The following PDE4D variants were observed in gnomAD, a reference collection of about 807,000 sequenced individuals.
The protein encoded by PDE4D is 3',5'-cyclic-AMP phosphodiesterase 4D.
PDE4D carries 24 observed loss-of-function variants against 87.4 expected under a neutral mutation model. The ratio of observed to expected loss-of-function variants is 0.27; its 90% CI spans 0.20 to 0.39. The LOEUF (loss-of-function observed/expected upper bound fraction) is 0.39, where lower values mean the gene tolerates loss of function less well. Among genes scored for constraint, PDE4D ranks in the 10% least tolerant of loss-of-function variants. The probability of loss-of-function intolerance (pLI) is 1.00; values close to 1 mark genes in which losing one functional copy is unlikely to be tolerated. For missense variants in PDE4D, 714 were observed against 1,041.0 expected, an observed-to-expected ratio of 0.69 and a Z score of 4.32; for synonymous variants, 384 against 383.2, an observed-to-expected ratio of 1.00 and a Z score of -0.02.
At chr5:60,418,587 T>C (rs1340010052) in intron 1 of PDE4D, among the ~76,000 whole-genome samples, 2 of 152,166 alleles carry the variant, frequency 1.3e-5, no homozygotes, top group East Asian at 3.8e-4. Flanking sequence ...TAAATTTTTT[T>C]ATTTTTAATT....
intron 1 of PDE4D, among the ~76,000 whole-genome samples, chr5:59,645,712 A>G (rs1742331372): frequency 6.6e-6 from 1 of 152,198 alleles, no homozygotes; most frequent in South Asian, 2.1e-4. Flanking sequence ...TGAAGGAGAC[A>G]CAATGTTCAA....
In PDE4D at chr5:59,024,942, A is replaced by G. The variant is rs144104793; in HGVS notation, c.921+13917T>C. Among the ~76,000 whole-genome samples, 65 of 152,288 alleles carry G rather than the reference A, an allele frequency of 4.3e-4. 1 individual carries two copies. The East Asian group carries it at 0.012, about 28-fold the overall frequency. On this transcript the variant is annotated intron_variant, in intron 6 of 14. Transcript: ENST00000340635. ...TTTTTTAAAAAAGATACAAGAGGAC[A>G]AGTGTTTAGTTTTTAACAAGGGAGG... is the stretch of plus-strand genomic sequence containing the variant.
At chr5:59,738,620 G>C (rs1306455081) in intron 1 of PDE4D, among the ~76,000 whole-genome samples, 2 of 152,002 alleles carry the variant, frequency 1.3e-5, no homozygotes, top group African/African-American at 2.4e-5. Flanking sequence ...TTTACCTTTA[G>C]TGTTGTATGG....
At chr5:59,759,448 A>G (rs1179686171) in intron 1 of PDE4D, among the ~76,000 whole-genome samples, 1 of 152,216 alleles carries the variant, frequency 6.6e-6, no homozygotes, top group Non-Finnish European at 1.5e-5. Context: ...CATGGGAAGC[A>G]CACGTGAATA....
intron 1 of PDE4D, among the ~76,000 whole-genome samples, chr5:59,541,315 AAATTAAATG>A (rs1279812699): frequency 6.6e-6 from 1 of 152,254 alleles, no homozygotes; most frequent in Non-Finnish European, 1.5e-5. Flanking sequence ...CAAAGTTCAT[AAATTAAATG>A]TTATCAAAAT....
chr5:59,872,262 TAC>T (rs71606610), intron 1 of PDE4D, among the ~76,000 whole-genome samples: 5,798 of 131,398 alleles, frequency 0.044, 112 homozygotes, highest in Admixed American at 0.061. Flanking sequence ...ACAGAAGAGT[TAC>T]ACACACACAC....
chr5:59,356,836 A>G (rs758012157), intron 1 of PDE4D: 2 of 1,551,278 alleles, frequency 1.3e-6, no homozygotes, highest in Non-Finnish European at 1.7e-6. Flanking sequence ...AGGATCCCAA[A>G]CAAAAGCCAT....
intron 11 of PDE4D, among the ~76,000 whole-genome samples, chr5:58,987,592 T>C (rs1371635678): frequency 6.6e-6 from 1 of 152,184 alleles, no homozygotes; most frequent in African/African-American, 2.4e-5. Flanking sequence ...ATTCTATAGC[T>C]AGATTGCTAT....
chr5:60,354,128 CTT>C (rs1759421341), intron 1 of PDE4D, among the ~76,000 whole-genome samples: 1 of 151,992 alleles, frequency 6.6e-6, no homozygotes, highest in Non-Finnish European at 1.5e-5. Flanking sequence ...AACCTTGAAA[CTT>C]AGTTATAATT....
At chr5:59,977,501 C>A (rs762022057) in intron 3 of PDE4D, among the ~76,000 whole-genome samples, 11 of 152,086 alleles carry the variant, frequency 7.2e-5, no homozygotes, top group Non-Finnish European at 1.2e-4. Flanking sequence ...ATCTCCAATA[C>A]ATAAAAGTAC....
At chr5:59,431,523 C>T (rs888113104) in intron 1 of PDE4D, among the ~76,000 whole-genome samples, 11 of 152,114 alleles carry the variant, frequency 7.2e-5, no homozygotes, top group African/African-American at 2.7e-4. Flanking sequence ...AAAAGGGCTA[C>T]ATTTTATTCT....
intron 1 of PDE4D, among the ~76,000 whole-genome samples, chr5:59,633,783 CAT>C (rs1333044168): frequency 6.6e-6 from 1 of 152,168 alleles, no homozygotes; most frequent in Non-Finnish European, 1.5e-5. Flanking sequence ...ACTGCAAAAA[CAT>C]ATTAAATTGT....
At chr5:60,145,840 T>C (rs182050588) in intron 2 of PDE4D, among the ~76,000 whole-genome samples, 50 of 152,336 alleles carry the variant, frequency 3.3e-4, no homozygotes, top group African/African-American at 1.1e-3. Flanking sequence ...TATCTAAACA[T>C]CTTATAAATA....
intron 2 of PDE4D, among the ~76,000 whole-genome samples, chr5:60,101,553 C>A (rs745466704): frequency 1.3e-5 from 2 of 152,080 alleles, no homozygotes; most frequent in East Asian, 3.8e-4. Context: ...GGCCAATCAT[C>A]AGCATTTTCT....
At chr5:59,252,202 GT>G (rs1760093031) in intron 1 of PDE4D, among the ~76,000 whole-genome samples, 1 of 152,036 alleles carries the variant, frequency 6.6e-6, no homozygotes, top group Non-Finnish European at 1.5e-5. Context: ...CCTGTGAAAT[GT>G]TTACATATTT....
chr5:60,198,111 C>CT (rs1038266213), intron 1 of PDE4D, among the ~76,000 whole-genome samples: 25 of 149,444 alleles, frequency 1.7e-4, no homozygotes, highest in African/African-American at 6.2e-4. Context: ...AAATAACAAG[C>CT]AACAAAATCA....
At chr5:59,363,099 T>C (rs1476416212) in intron 1 of PDE4D, among the ~76,000 whole-genome samples, 1 of 152,184 alleles carries the variant, frequency 6.6e-6, no homozygotes, top group Non-Finnish European at 1.5e-5. Flanking sequence ...ACTATGATGA[T>C]ATCAACCACT....
intron 1 of PDE4D, among the ~76,000 whole-genome samples, chr5:59,825,224 A>T (rs945685690): frequency 2.6e-5 from 4 of 152,208 alleles, no homozygotes; most frequent in Non-Finnish European, 5.9e-5. Context: ...CATCCAATAA[A>T]AATAAAAAAT....
chr5:59,086,231 G>A (rs1204166811), intron 5 of PDE4D, among the ~76,000 whole-genome samples: 2 of 152,094 alleles, frequency 1.3e-5, no homozygotes, highest in Non-Finnish European at 2.9e-5. Context: ...CTACAGTCAA[G>A]CTCTGGCTTC....
Sources: gnomAD v4.1 joint callset for allele counts (sites outside exome capture counted in the v4.1 genomes callset) on GRCh38, gnomAD v4.1.1 for gene constraint, MANE v1.5 for transcripts, NCBI Gene and HGNC (gene_info 2026-07-23, HGNC 2026-07-21) for gene names.